The following PDZD9 variants were observed in gnomAD, a reference collection of about 807,000 sequenced individuals.
The protein encoded by PDZD9 is PDZ domain containing 9.
PDZD9 carries 13 observed loss-of-function variants against 16.3 expected under a neutral mutation model. The observed-to-expected ratio is 0.80, with a 90% CI of 0.52 to 1.27. PDZD9 has a LOEUF of 1.27. Among genes scored for constraint, PDZD9 ranks in the 50% most tolerant of loss-of-function variants. PDZD9 has a pLI of 0.00. For missense variants in PDZD9, 288 were observed against 310.9 expected, an observed-to-expected ratio of 0.93 and a Z score of 0.55; for synonymous variants, 120 against 111.0, an observed-to-expected ratio of 1.08 and a Z score of -0.51.
chr16:21,996,059 G>A (rs1320230458), intron 2 of PDZD9, among the ~76,000 whole-genome samples: 2 of 152,112 alleles, frequency 1.3e-5, no homozygotes, highest in African/African-American at 4.8e-5. Context: ...CAAAGTGCTG[G>A]GATTACAGGC....
chr16:21,982,152 T>C (rs1226940575), downstream of PDZD9, among the ~76,000 whole-genome samples: 1 of 152,086 alleles, frequency 6.6e-6, no homozygotes, highest in African/African-American at 2.4e-5. Flanking sequence ...TTTGGTACTC[T>C]TTTAAATGGC....
the PDZD9 span, chr16:21,961,180 A>T: frequency 8.0e-6 from 2 of 250,704 alleles, no homozygotes; most frequent in Non-Finnish European, 1.7e-5. Context: ...AGAATGTCTC[A>T]TTCTGCTGAT....
chr16:21,962,831 C>G, the PDZD9 span: 1 of 1,614,076 alleles, frequency 6.2e-7, no homozygotes, highest in East Asian at 2.2e-5. Context: ...AGTAGCTGAC[C>G]TTCAGCCTCA....
the PDZD9 span, chr16:21,976,305 A>G: frequency 7.3e-7 from 1 of 1,375,884 alleles, no homozygotes; most frequent in Non-Finnish European, 1.0e-6. Context: ...TTCTTTTCAG[A>G]TTATAACAAT....
At chr16:21,957,557 A>G in the PDZD9 span, 1 of 1,614,166 alleles carries the variant, frequency 6.2e-7, no homozygotes. Flanking sequence ...TGCGTCTTAC[A>G]TCCAGTCTGG....
chr16:21,996,287 T>C (rs1471956627), intron 2 of PDZD9, 35 bp downstream of exon 2: 3 of 1,517,314 alleles, frequency 2.0e-6, no homozygotes, highest in Non-Finnish European at 2.6e-6. Context: ...ATGGGCAGGA[T>C]GGGTGGTTGG....
At chr16:21,990,519 T>C (rs1388753391) in intron 2 of PDZD9, among the ~76,000 whole-genome samples, 3 of 152,212 alleles carry the variant, frequency 2.0e-5, no homozygotes, top group African/African-American at 7.2e-5. Flanking sequence ...TACTTTGGTC[T>C]TAAGCAGTAG....
chr16:21,983,140 T>G, downstream of PDZD9: 1 of 1,614,114 alleles, frequency 6.2e-7, no homozygotes, highest in Non-Finnish European at 8.5e-7. Flanking sequence ...AGTGGAAATT[T>G]GGGACATACA....
chr16:22,000,358 C>CAAA (rs113217873), intron 1 of PDZD9, among the ~76,000 whole-genome samples: 1 of 115,210 alleles, frequency 8.7e-6, no homozygotes, highest in Non-Finnish European at 1.9e-5. Context: ...ATGGAAAAGG[C>CAAA]AAAAAAAAAA....
Position 21,984,390 on chromosome 16 carries a change from T to G in PDZD9, c.672A>C (p.Ile224=). Reference sequence around the variant, plus strand: ...AGCTTTCATTGTCTTGCTTCACCATTATCCAGTATGGAGAAGGGGCCCTCA... The same window carrying G: ...AGCTTTCATTGTCTTGCTTCACCATGATCCAGTATGGAGAAGGGGCCCTCA... ...KEVRAPSPYW[I]MVKQDNESSS... Residue 224 remains isoleucine (I), a synonymous_variant, in exon 4 of 4, where the codon ATA becomes ATC. Coordinates refer to ENST00000424898, the MANE Select transcript of PDZD9 (RefSeq NM_001363519.1). The G allele has an allele frequency of 6.2e-7, 1 of 1,614,166 alleles. No homozygotes were observed. Among genetic ancestry groups the G allele is most frequent in the Non-Finnish European group, 8.5e-7 (1 of 1,180,024 alleles).
intron 2 of PDZD9, among the ~76,000 whole-genome samples, chr16:21,991,707 T>C (rs1363817846): frequency 6.6e-6 from 1 of 152,050 alleles, no homozygotes; most frequent in Non-Finnish European, 1.5e-5. Context: ...TAAAAGATAA[T>C]GGGGCTGGGA....
chr16:21,999,273 G>T (rs1167638128), intron 1 of PDZD9: 3 of 221,266 alleles, frequency 1.4e-5, no homozygotes, highest in South Asian at 8.4e-5. Flanking sequence ...GGAACCCGAA[G>T]GTACTGACAA....
downstream of PDZD9, chr16:21,983,265 C>CT: frequency 8.6e-7 from 1 of 1,164,808 alleles, no homozygotes; most frequent in Non-Finnish European, 1.2e-6. Context: ...TATCATTTGT[C>CT]TTTTTTCCAG....
chr16:21,989,340 A>G (rs1343281732), intron 2 of PDZD9, among the ~76,000 whole-genome samples: 1 of 152,288 alleles, frequency 6.6e-6, no homozygotes. Flanking sequence ...TAGACATTAT[A>G]TGATGTTTTT....
chr16:21,995,167 C>A (rs1597982058), intron 2 of PDZD9: 2 of 450,758 alleles, frequency 4.4e-6, no homozygotes, highest in East Asian at 1.4e-4. Flanking sequence ...CTTATGAGAT[C>A]TGGTTGTTTA....
rs760097819 is a variant in PDZD9 at position 21,988,662 on chromosome 16, A to G, written c.341T>C (p.Ile114Thr). The G allele has an allele frequency of 5.6e-6, 9 of 1,613,294 alleles. No individual in the cohort carries two copies. The South Asian group carries it at 9.9e-5, about 18-fold the overall frequency. ...ATATATTTCTTGCCATTCTTCAGGA[A>G]TGTTAATAAAATCTCGGTAAACCTT... Reference protein sequence around the residue: ...QIKVYRDFINIPEEWQEIYDL... With the variant: ...QIKVYRDFINTPEEWQEIYDL... Residue 114 changes from isoleucine to threonine, a missense_variant, in exon 3 of 4, where the codon ATT becomes ACT. Physicochemically the swap from Ile to Thr is moderately conservative, Grantham distance 89. Transcript: ENST00000424898.
chr16:21,987,513 G>C (rs745432765), intron 3 of PDZD9, among the ~76,000 whole-genome samples: 6 of 152,198 alleles, frequency 3.9e-5, no homozygotes, highest in Non-Finnish European at 8.8e-5. Context: ...AATGAAACTG[G>C]CTAGGAGAAA....
chr16:21,973,802 G>A, the PDZD9 span: 11 of 1,098,778 alleles, frequency 1.0e-5, no homozygotes, highest in Admixed American at 4.2e-5. Flanking sequence ...TGTTTATACC[G>A]TGAAGGTCCA....
At chr16:21,964,632 A>G in the PDZD9 span, among the ~76,000 whole-genome samples, 2 of 152,286 alleles carry the variant, frequency 1.3e-5, no homozygotes, top group Non-Finnish European at 2.9e-5. Flanking sequence ...CCTGGGAAAC[A>G]CCAGCTCATT....
Sources: gnomAD v4.1 joint callset for allele counts (sites outside exome capture counted in the v4.1 genomes callset) on GRCh38, gnomAD v4.1.1 for gene constraint, MANE v1.5 for transcripts, NCBI Gene and HGNC (gene_info 2026-07-23, HGNC 2026-07-21) for gene names.